The following CRBN variants were observed in gnomAD, a reference collection of about 807,000 sequenced individuals.
The protein encoded by CRBN is cereblon.
In CRBN, 53 loss-of-function variants were observed where a neutral mutation model predicts 62.2. The observed-to-expected ratio is 0.85, with a 90% CI of 0.68 to 1.07. CRBN has a LOEUF of 1.07. Among genes scored for constraint, CRBN ranks in the 50% least tolerant of loss-of-function variants. The probability of loss-of-function intolerance (pLI) is 0.00; values close to 1 mark genes in which losing one functional copy is unlikely to be tolerated. For missense variants in CRBN, 616 were observed against 531.1 expected (o/e 1.16, Z -1.57); for synonymous variants, 208 against 176.1 (o/e 1.18, Z -1.43).
chr3:3,153,386 A>C (rs545194008), intron 9 of CRBN, 38 bp downstream of exon 9: 1 of 1,120,338 alleles, frequency 8.9e-7, no homozygotes, highest in Non-Finnish European at 1.4e-6. Context: ...TATAATTCTG[A>C]TAAGGCAAGT....
downstream of CRBN, chr3:3,149,994 T>C (rs1177836854): frequency 1.3e-5 from 2 of 152,150 alleles, no homozygotes; most frequent in African/African-American, 2.4e-5. Context: ...TTTTACATTA[T>C]TTGAACAAAG....
chr3:3,154,665 T>C lies in CRBN; in HGVS notation c.835+82A>G. ...TTAATCAGTCTTAAAACCTAGAAGA[T>C]ATGATTGGATCGCATCCATGAAAAA... On this transcript the variant is annotated intron_variant, in intron 7 of 10. Transcript: ENST00000231948. 5.1e-6 allele frequency: 4 copies of C among 790,650 alleles called. 1 individual carries two copies. Among genetic ancestry groups the C allele is most frequent in the Non-Finnish European group, 9.2e-6 (4 of 434,690 alleles). The allele number at this position is 790,650 out of a possible 1,614,324, so 49.0% of individuals were successfully genotyped here.
intron 4 of CRBN, among the ~76,000 whole-genome samples, chr3:3,168,849 T>C (rs1472151421): frequency 1.3e-5 from 2 of 152,154 alleles, no homozygotes; most frequent in Non-Finnish European, 2.9e-5. Context: ...CTCAGAAAAT[T>C]TGTCTACATG....
intron 5 of CRBN, among the ~76,000 whole-genome samples, chr3:3,156,948 G>A (rs1463466260): frequency 6.6e-6 from 1 of 152,102 alleles, no homozygotes; most frequent in African/African-American, 2.4e-5. Context: ...ATTTGAGGGG[G>A]AGAAATGTGA....
intron 1 of CRBN, 101 bp downstream of exon 1, chr3:3,179,520 G>A: frequency 8.3e-7 from 1 of 1,207,902 alleles, no homozygotes; most frequent in Non-Finnish European, 1.2e-6. Flanking sequence ...TGGCTCGCCA[G>A]GCTTGGCGCC....
intron 5 of CRBN, among the ~76,000 whole-genome samples, chr3:3,159,610 C>T (rs373725279): frequency 1.3e-5 from 2 of 152,196 alleles, no homozygotes; most frequent in East Asian, 1.9e-4. Context: ...GAGCAAGCTA[C>T]AGTTTCAGGT....
intron 5 of CRBN, among the ~76,000 whole-genome samples, chr3:3,163,085 G>A (rs1453368157): frequency 6.6e-6 from 1 of 152,172 alleles, no homozygotes; most frequent in Non-Finnish European, 1.5e-5. Context: ...GGCTCTAAGT[G>A]GTCTCTCTAA....
intron 5 of CRBN, among the ~76,000 whole-genome samples, chr3:3,158,534 G>T (rs1363748012): frequency 3.3e-5 from 5 of 152,168 alleles, no homozygotes; most frequent in Admixed American, 2.0e-4. Flanking sequence ...TAAGATTATT[G>T]TCACAGTCCA....
intron 3 of CRBN, 22 bp downstream of exon 3, chr3:3,174,037 C>G (rs1707730762): frequency 1.3e-6 from 2 of 1,597,244 alleles, no homozygotes; most frequent in African/African-American, 2.7e-5. Flanking sequence ...ATGTATTAAG[C>G]AAATGGACTC....
Position 3,175,185 on chromosome 3 carries a change from G to T in CRBN, c.152C>A (p.Thr51Asn). 1 of 1,610,960 alleles carries T rather than the reference G, an allele frequency of 6.2e-7. No individual in the cohort carries two copies. The highest frequency in any genetic ancestry group is 8.5e-7 in the Non-Finnish European group (1 of 1,177,326). ...TACTGTATGTGATGTCGGCAGACTGGTGTCAAAATTTATGATGTTTGGTTT... is the reference window on the plus strand; with the variant it reads ...TACTGTATGTGATGTCGGCAGACTGTTGTCAAAATTTATGATGTTTGGTTT... The part of the protein sequence containing the change: ...AKKPNIINFD[T>N]SLPTSHTYLG... The change falls in exon 2 of 11, where the codon ACC (threonine) becomes AAC (asparagine). Residue 51 changes from threonine (T) to asparagine (N), a missense_variant. Thr to Asn is a moderately conservative substitution (Grantham distance 65). Coordinates refer to ENST00000231948, the MANE Select transcript of CRBN (RefSeq NM_016302.4).
At position 3,175,287 on chromosome 3, in the gene CRBN, T is replaced by C; in HGVS notation, c.68-18A>G. Reference sequence around the variant, plus strand: ...ACTCTCTGCTATAAAAGTAGAATATTGTAAGAAAAAAAAAAAGATGAATGA... The same window carrying C: ...ACTCTCTGCTATAAAAGTAGAATATCGTAAGAAAAAAAAAAAGATGAATGA... On this transcript the variant is annotated intron_variant, in intron 1 of 10. Coordinates refer to ENST00000231948, the MANE Select transcript of CRBN (RefSeq NM_016302.4). 1 of 1,519,416 alleles carries C rather than the reference T, an allele frequency of 6.6e-7. No homozygotes were observed. Among genetic ancestry groups the C allele is most frequent in the South Asian group, 1.1e-5 (1 of 87,588 alleles). The allele number at this position is 1,519,416 out of a possible 1,614,324, so 94.1% of individuals were successfully genotyped here.
chr3:3,176,284 T>C (rs184169375), intron 1 of CRBN, among the ~76,000 whole-genome samples: 2 of 152,338 alleles, frequency 1.3e-5, no homozygotes, highest in African/African-American at 4.8e-5. Flanking sequence ...ACCTCTAACG[T>C]TCTCTCAAAC....
At chr3:3,166,119 T>C in intron 5 of CRBN, among the ~76,000 whole-genome samples, 1 of 151,988 alleles carries the variant, frequency 6.6e-6, no homozygotes, top group Non-Finnish European at 1.5e-5. Flanking sequence ...TCTGGCTGTG[T>C]CCCCACTCAA....
Position 3,150,594 on chromosome 3 carries a change from C to A in CRBN, c.*271G>T. ...TTCATGTCCCATCAATGACATGCTACCAGACATATCAGATTCCACAGGATA... is the reference window on the plus strand; with the variant it reads ...TTCATGTCCCATCAATGACATGCTAACAGACATATCAGATTCCACAGGATA... On this transcript the variant is annotated 3_prime_UTR_variant, in exon 11 of 11. Coordinates refer to ENST00000231948, the MANE Select transcript of CRBN (RefSeq NM_016302.4). 2.8e-6 allele frequency: 1 copy of A among 359,476 alleles called. No homozygotes were observed. The highest frequency in any genetic ancestry group is 2.8e-5 in the South Asian group (1 of 35,986). The allele number at this position is 359,476 out of a possible 1,614,324, so 22.3% of individuals were successfully genotyped here. A position where few individuals can be genotyped will look rare whatever the true frequency, so the allele number is the denominator to read the frequency against.
intron 1 of CRBN, among the ~76,000 whole-genome samples, chr3:3,178,918 G>A (rs1397114054): frequency 6.6e-6 from 1 of 151,174 alleles, no homozygotes; most frequent in Non-Finnish European, 1.5e-5. Context: ...TTCAACACAA[G>A]GCCAAAGTCT....
At chr3:3,163,397 G>C (rs1707213759) in intron 5 of CRBN, among the ~76,000 whole-genome samples, 1 of 152,198 alleles carries the variant, frequency 6.6e-6, no homozygotes, top group Non-Finnish European at 1.5e-5. Context: ...AGGCAAATAT[G>C]TGCTTCTTTG....
chr3:3,174,030 T>G (rs745681883), intron 3 of CRBN, 29 bp downstream of exon 3: 1 of 1,572,430 alleles, frequency 6.4e-7, no homozygotes, highest in African/African-American at 1.3e-5. Context: ...AGAGGGAATG[T>G]ATTAAGCAAA....
intron 5 of CRBN, among the ~76,000 whole-genome samples, chr3:3,159,474 AC>A (rs1275673191): frequency 1.3e-5 from 2 of 152,182 alleles, no homozygotes; most frequent in Non-Finnish European, 2.9e-5. Flanking sequence ...TTCATTTGGC[AC>A]CCATGTCAAG....
At chr3:3,157,671 C>G (rs1431288196) in intron 5 of CRBN, among the ~76,000 whole-genome samples, 9 of 152,090 alleles carry the variant, frequency 5.9e-5, no homozygotes, top group Non-Finnish European at 1.3e-4. Context: ...CGGGACTGAG[C>G]TGACAGCTGG....
Sources: allele counts gnomAD v4.1 joint callset (sites outside exome capture counted in the v4.1 genomes callset), GRCh38; gene constraint gnomAD v4.1.1; transcripts MANE v1.5; gene names NCBI Gene and HGNC (gene_info 2026-07-23, HGNC 2026-07-21).